Variants in TSEN2 observed in about 807,000 individuals in gnomAD.
TSEN2 encodes the protein tRNA splicing endonuclease subunit 2, also known as tRNA-splicing endonuclease subunit Sen2.
A neutral mutation model predicts 59.2 loss-of-function variants in TSEN2; 54 were observed. That is an observed-to-expected ratio of 0.91 (90% CI 0.73 to 1.14). The LOEUF (loss-of-function observed/expected upper bound fraction) is 1.14, where lower values mean the gene tolerates loss of function less well. TSEN2 is among the 50% of genes most tolerant of loss of function. The pLI is 0.00. For missense variants in TSEN2, 636 were observed against 576.2 expected (o/e 1.10, Z -1.06); for synonymous variants, 195 against 198.2 (o/e 0.98, Z 0.14).
intron 1 of TSEN2, among the ~76,000 whole-genome samples, chr3:12,486,345 TC>T (rs1418171359): frequency 6.6e-6 from 1 of 152,238 alleles, no homozygotes; most frequent in East Asian, 1.9e-4. Context: ...GCTTTGCCTT[TC>T]GAGTTCAGCA....
At chr3:12,523,556 C>G (rs1298838092) in intron 8 of TSEN2, among the ~76,000 whole-genome samples, 1 of 38,026 alleles carries the variant, frequency 2.6e-5, no homozygotes. Flanking sequence ...TTTTTTGAGA[C>G]AAAGTCTCAC....
At chr3:12,505,463 G>T (rs1245030810) in intron 6 of TSEN2, 2 of 489,066 alleles carry the variant, frequency 4.1e-6, no homozygotes, top group Non-Finnish European at 7.4e-6. Context: ...GATTCGAGGG[G>T]TTTTTCTGAG....
At chr3:12,510,400 G>C (rs1355167036) in intron 6 of TSEN2, among the ~76,000 whole-genome samples, 2 of 152,150 alleles carry the variant, frequency 1.3e-5, no homozygotes, top group African/African-American at 4.8e-5. Flanking sequence ...TGCCTTACTG[G>C]TACTTCTGTG....
intron 7 of TSEN2, among the ~76,000 whole-genome samples, chr3:12,518,608 A>G (rs1473315973): frequency 6.6e-6 from 1 of 152,224 alleles, no homozygotes; most frequent in Non-Finnish European, 1.5e-5. Flanking sequence ...ACCACATTAA[A>G]AACATTTTTT....
downstream of TSEN2, among the ~76,000 whole-genome samples, chr3:12,536,907 G>A (rs2057684501): frequency 6.6e-6 from 1 of 151,994 alleles, no homozygotes; most frequent in Non-Finnish European, 1.5e-5. Context: ...GGAAGCTGAA[G>A]CAGGAGAATC....
chr3:12,503,452 G>C lies in TSEN2; in HGVS notation c.499G>C (p.Gly167Arg). 1 of 1,614,246 alleles carries C rather than the reference G, an allele frequency of 6.2e-7. No homozygotes were observed. The highest frequency in any genetic ancestry group is 1.1e-5 in the South Asian group (1 of 91,090). The part of the protein sequence containing the change: ...MVSNMEGTAG[G>R]ERPSVVNGDS... Reference sequence around the variant, plus strand: ...TTCCAACATGGAAGGCACAGCAGGGGGAGAGAGACCTTCTGTGGTAAACGG... The same window carrying C: ...TTCCAACATGGAAGGCACAGCAGGGCGAGAGAGACCTTCTGTGGTAAACGG... The change falls in exon 5 of 12, where the codon GGA becomes CGA. Residue 167 changes from glycine to arginine, a missense_variant. Physicochemically the swap from Gly to Arg is moderately radical, Grantham distance 125. Coordinates refer to ENST00000284995, the MANE Select transcript of TSEN2 (RefSeq NM_025265.4).
intron 8 of TSEN2, among the ~76,000 whole-genome samples, chr3:12,526,663 G>A (rs1203105964): frequency 6.6e-6 from 1 of 152,210 alleles, no homozygotes; most frequent in Non-Finnish European, 1.5e-5. Flanking sequence ...CTTACTGTAT[G>A]CCATACACCG....
At chr3:12,515,542 A>C (rs1006147704) in intron 6 of TSEN2, among the ~76,000 whole-genome samples, 4 of 152,206 alleles carry the variant, frequency 2.6e-5, no homozygotes, top group African/African-American at 9.6e-5. Context: ...GCTCTGCACC[A>C]ATCTCATGGG....
intron 2 of TSEN2, 44 bp downstream of exon 2, chr3:12,490,033 G>A: frequency 1.3e-6 from 2 of 1,577,074 alleles, no homozygotes; most frequent in Non-Finnish European, 1.7e-6. Flanking sequence ...AGACAACCCT[G>A]AGCAAGCAGT....
At chr3:12,518,252 T>C (rs1299201322) in intron 7 of TSEN2, among the ~76,000 whole-genome samples, 1 of 152,246 alleles carries the variant, frequency 6.6e-6, no homozygotes, top group East Asian at 1.9e-4. Context: ...TTTCAAACAC[T>C]AAATGGAGGT....
intron 9 of TSEN2, 36 bp from the exon 10 acceptor site, chr3:12,529,726 T>A (rs1261658745): frequency 3.8e-6 from 6 of 1,573,796 alleles, no homozygotes; most frequent in Non-Finnish European, 5.2e-6. Flanking sequence ...ATTTATTTCA[T>A]GATTACTTTT....
chr3:12,502,945 G>A (rs1479060496), intron 4 of TSEN2, among the ~76,000 whole-genome samples: 10 of 151,950 alleles, frequency 6.6e-5, no homozygotes, highest in African/African-American at 2.2e-4. Flanking sequence ...GTTAGCAGAT[G>A]CCTATAGTCC....
At chr3:12,499,543 C>G (rs1393698002) in intron 4 of TSEN2, among the ~76,000 whole-genome samples, 1 of 152,212 alleles carries the variant, frequency 6.6e-6, no homozygotes, top group African/African-American at 2.4e-5. Flanking sequence ...TGCATTACCT[C>G]CTTTCATCTT....
At chr3:12,510,321 A>T (rs184396733) in intron 6 of TSEN2, among the ~76,000 whole-genome samples, 1 of 152,174 alleles carries the variant, frequency 6.6e-6, no homozygotes, top group African/African-American at 2.4e-5. Context: ...CTGTGTTGAT[A>T]TCATTCAGCT....
At position 12,489,881 on chromosome 3, in the gene TSEN2, T is replaced by C; in HGVS notation, c.81T>C (p.Phe27=). The C allele has an allele frequency of 1.2e-6, 2 of 1,614,142 alleles. No homozygotes were observed. The highest frequency in any genetic ancestry group is 1.7e-6 in the Non-Finnish European group (2 of 1,180,014). ...ACGAGTCTCCATTGCCAATCCCTTT[T>C]GGTCAGGACCATGGTCCTCTGAAAG... ...ETYESPLPIP[F]GQDHGPLKEF... Residue 27 remains phenylalanine, a synonymous_variant, in exon 2 of 12, where the codon TTT becomes TTC. Coordinates refer to ENST00000284995, the MANE Select transcript of TSEN2 (RefSeq NM_025265.4).
At chr3:12,532,408 A>G (rs1305699242) in intron 11 of TSEN2, among the ~76,000 whole-genome samples, 1 of 152,256 alleles carries the variant, frequency 6.6e-6, no homozygotes, top group Admixed American at 6.5e-5. Flanking sequence ...TGTTTCTGAA[A>G]TGTGCTAGTA....
chr3:12,503,179 C>T, intron 4 of TSEN2, 83 bp from the exon 5 acceptor site: 5 of 1,520,858 alleles, frequency 3.3e-6, no homozygotes, highest in Non-Finnish European at 4.6e-6. Context: ...TGGTGTGTCA[C>T]CTTCCAGTCT....
chr3:12,531,753 G>A, intron 11 of TSEN2, 94 bp downstream of exon 11: 1 of 891,490 alleles, frequency 1.1e-6, no homozygotes, highest in Non-Finnish European at 1.8e-6. Context: ...CATGAATACA[G>A]TTTTGCCTTG....
chr3:12,501,821 A>G (rs2125035941), intron 4 of TSEN2, among the ~76,000 whole-genome samples: 1 of 152,320 alleles, frequency 6.6e-6, no homozygotes, highest in East Asian at 1.9e-4. Context: ...TCGAGGCAAA[A>G]AGCACTTGAG....
Sources: gnomAD v4.1 joint callset for allele counts (sites outside exome capture counted in the v4.1 genomes callset) on GRCh38, gnomAD v4.1.1 for gene constraint, MANE v1.5 for transcripts, NCBI Gene and HGNC (gene_info 2026-07-23, HGNC 2026-07-21) for gene names.